Variants in DNHD1 observed in about 807,000 individuals in gnomAD.
DNHD1 encodes dynein heavy chain domain-containing protein 1.
In DNHD1, 383 loss-of-function variants were observed where a neutral mutation model predicts 458.1. The observed-to-expected ratio is 0.84, with a 90% confidence interval of 0.77 to 0.91. The LOEUF (loss-of-function observed/expected upper bound fraction) is 0.91, where lower values mean the gene tolerates loss of function less well. Ranked by LOEUF, DNHD1 falls within the 40% of genes least tolerant of loss-of-function variation. The probability of loss-of-function intolerance (pLI) is 0.00; values close to 1 mark genes in which losing one functional copy is unlikely to be tolerated. For missense variants in DNHD1, 5,336 were observed against 5,866.1 expected, an observed-to-expected ratio of 0.91 and a Z score of 2.95; for synonymous variants, 2,203 against 2,376.9, an observed-to-expected ratio of 0.93 and a Z score of 2.13.
intron 12 of DNHD1, among the ~76,000 whole-genome samples, chr11:6,531,197 A>C (rs1589877524): frequency 6.6e-6 from 1 of 152,100 alleles, no homozygotes; most frequent in Non-Finnish European, 1.5e-5. Context: ...CCTCTGACTT[A>C]ACTCTGTCGT....
Position 6,547,348 on chromosome 11 carries a change from A to G in DNHD1, c.6409A>G (p.Thr2137Ala), listed in dbSNP as rs1853244621. The G allele has an allele frequency of 6.4e-7, 1 of 1,551,630 alleles. No homozygotes were observed. Among genetic ancestry groups the G allele is most frequent in the Admixed American group, 2.0e-5 (1 of 50,984 alleles). ...GGCTGACACAACAGGCATATCCCCC[A>G]CAGTGGTAGGCTGTTGTGCCCTAGT... ...EVADTTGISPTVVGCCALVWC... is the reference protein window; with the variant it reads ...EVADTTGISPAVVGCCALVWC... The change falls in exon 21 of 43, where the codon ACA becomes GCA. Residue 2137 changes from threonine (T) to alanine (A), a missense_variant. Coordinates refer to ENST00000254579, the MANE Select transcript of DNHD1 (RefSeq NM_144666.3).
Position 6,545,676 on chromosome 11 carries a change from G to T in DNHD1, c.4737G>T (p.Val1579=). 1 of 1,551,720 alleles carries T rather than the reference G, an allele frequency of 6.4e-7. No individual in the cohort carries two copies. Among genetic ancestry groups the T allele is most frequent in the South Asian group, 1.2e-5 (1 of 84,054 alleles). ...TCAGTGCCCTGCTGGTCATGGCAGT[G>T]ACTCACCGGGATATAGCACAGCTGC... ...SLLSALLVMA[V]THRDIAQLLE... is the part of the protein sequence containing the mutation. Residue 1579 remains valine (V), a synonymous_variant, in exon 21 of 43, where the codon GTG becomes GTT. Coordinates refer to ENST00000254579, the MANE Select transcript of DNHD1 (RefSeq NM_144666.3). The surrounding 1 kb of genome is among the most constrained non-coding windows in gnomAD (Gnocchi z 4.9).
At chr11:6,515,994 T>C (rs112607022) in intron 7 of DNHD1, among the ~76,000 whole-genome samples, 2,080 of 151,872 alleles carry the variant, frequency 0.014, 51 homozygotes, top group African/African-American at 0.048. Context: ...TACCATGTTG[T>C]CCAGGCTGGT....
At chr11:6,535,314 C>A (rs182516455) in intron 14 of DNHD1, among the ~76,000 whole-genome samples, 142 of 152,344 alleles carry the variant, frequency 9.3e-4, no homozygotes, top group African/African-American at 3.1e-3. Flanking sequence ...CATGTGCACA[C>A]ATTTGCTATC....
rs765537241 is a variant in DNHD1 at position 6,570,974 on chromosome 11, G to A, written c.13462G>A (p.Glu4488Lys). 4.4e-6 allele frequency: 7 copies of A among 1,606,266 alleles called. No individual in the cohort carries two copies. The South Asian group carries it at 4.4e-5, about 10-fold the overall frequency. ...GCCTCTGGAGGGCGTCTTAGAGACCGAGGCTCTAGAACTGAGCCAGTTGGT... is the reference window on the plus strand; with the variant it reads ...GCCTCTGGAGGGCGTCTTAGAGACCAAGGCTCTAGAACTGAGCCAGTTGGT... ...RRPLEGVLET[E>K]ALELSQLVGT... Residue 4488 changes from glutamate (E) to lysine (K), a missense_variant, in exon 42 of 43, where the codon GAG becomes AAG. By Grantham distance (56) the Glu-to-Lys change is moderately conservative (BLOSUM62 1). Coordinates refer to ENST00000254579, the MANE Select transcript of DNHD1 (RefSeq NM_144666.3).
Position 6,498,190 on chromosome 11 carries a change from G to A in DNHD1, c.-26G>A, listed in dbSNP as rs768884067. On this transcript the variant is annotated 5_prime_UTR_variant, in exon 3 of 43. Transcript: ENST00000254579. ...CCTGAGCTATGGGCAAGGTCACTTC[G>A]ACAGCAGTTGAATGCCCAGCTCCTC... 2.5e-6 allele frequency: 4 copies of A among 1,592,508 alleles called. No individual in the cohort carries two copies. The highest frequency in any genetic ancestry group is 3.4e-6 in the Non-Finnish European group (4 of 1,167,698).
At position 6,564,368 on chromosome 11, in the gene DNHD1, T is replaced by A. The variant is rs1022193857; in HGVS notation, c.10320T>A (p.Asp3440Glu). ...GACGCTGCATGACTGTGTTTGGAGATACCCTCCTATGTTCAGCTGCCATCA... is the reference window on the plus strand; with the variant it reads ...GACGCTGCATGACTGTGTTTGGAGAAACCCTCCTATGTTCAGCTGCCATCA... ...LKGRCMTVFG[D>E]TLLCSAAIIY... The change falls in exon 32 of 43, where the codon GAT (aspartate) becomes GAA (glutamate). Residue 3440 changes from aspartate (D) to glutamate (E), a missense_variant. Transcript: ENST00000254579. 59 of 1,549,194 alleles carry A rather than the reference T, an allele frequency of 3.8e-5. No individual in the cohort carries two copies. The Middle Eastern group carries it at 1.5e-3, about 39-fold the overall frequency.
At chr11:6,520,781 A>G (rs993363332) in intron 10 of DNHD1, 3 of 993,654 alleles carry the variant, frequency 3.0e-6, no homozygotes, top group Non-Finnish European at 3.6e-6. Flanking sequence ...ACACTTATTA[A>G]CCATCAGCGT....
chr11:6,566,879 A>C lies in DNHD1; in HGVS notation c.11386-16A>C, dbSNP rs1241265893. ...TGGGAAAGGGCCAGATCCATCCAAC[A>C]AATGAGTGTATGCAGGAGCGGCTGC... On this transcript the variant is annotated splice_polypyrimidine_tract_variant and intron_variant, in intron 35 of 42. Transcript: ENST00000254579. 1.2e-6 allele frequency: 2 copies of C among 1,608,586 alleles called. No homozygotes were observed. Among genetic ancestry groups the C allele is most frequent in the Admixed American group, 1.7e-5 (1 of 59,694 alleles).
chr11:6,570,239 A>G lies in DNHD1; in HGVS notation c.12956-8A>G, dbSNP rs759679249. Reference sequence around the variant, plus strand: ...ACTGGAACTGAGAGACTCTAACCTCATCTTCAGCTTCAGTTTTCTACGGGG... The same window carrying G: ...ACTGGAACTGAGAGACTCTAACCTCGTCTTCAGCTTCAGTTTTCTACGGGG... On this transcript the variant is annotated splice_polypyrimidine_tract_variant and splice_region_variant and intron_variant, in intron 40 of 42. Coordinates refer to ENST00000254579, the MANE Select transcript of DNHD1 (RefSeq NM_144666.3). 6.2e-7 allele frequency: 1 copy of G among 1,613,642 alleles called. No homozygotes were observed. Among genetic ancestry groups the G allele is most frequent in the South Asian group, 1.1e-5 (1 of 91,052 alleles).
chr11:6,512,272 G>C (rs1852355215), intron 7 of DNHD1, among the ~76,000 whole-genome samples: 3 of 133,712 alleles, frequency 2.2e-5, no homozygotes, highest in Admixed American at 8.1e-5. Context: ...CCAGGCTGGA[G>C]TGCAGTGGCG....
At position 6,570,414 on chromosome 11, in the gene DNHD1, ATC is replaced by A. The variant is rs761191106; in HGVS notation, c.13105+20_13105+21del. On this transcript the variant is annotated intron_variant, in intron 41 of 42. Coordinates refer to ENST00000254579, the MANE Select transcript of DNHD1 (RefSeq NM_144666.3). Reference sequence around the variant, plus strand: ...CCTCCCAGGTAAGCCTCACTCAGGTATCTGTTTTGGGGTAGGGAATAGTGCAA... The same window carrying A: ...CCTCCCAGGTAAGCCTCACTCAGGTATGTTTTGGGGTAGGGAATAGTGCAA... 1.4e-5 allele frequency: 22 copies of A among 1,598,966 alleles called. No individual in the cohort carries two copies. In the African/African-American group the frequency reaches 2.8e-4, roughly 20 times the overall value.
At position 6,557,487 on chromosome 11, in the gene DNHD1, A is replaced by T; in HGVS notation, c.8192A>T (p.Glu2731Val). 1 of 1,551,802 alleles carries T rather than the reference A, an allele frequency of 6.4e-7. No individual in the cohort carries two copies. The highest frequency in any genetic ancestry group is 8.7e-7 in the Non-Finnish European group (1 of 1,147,028). Residue 2731 changes from glutamate to valine, a missense_variant, in exon 25 of 43, where the codon GAG becomes GTG. Glu to Val is a moderately radical substitution (Grantham distance 121). Coordinates refer to ENST00000254579, the MANE Select transcript of DNHD1 (RefSeq NM_144666.3). ...SNSNSETEEE[E>V]EPYGLQVARV... ...AGCAATAGTGAAACAGAGGAGGAAG[A>T]GGAACCTTATGGCCTTCAGGTCGCC...
chr11:6,513,370 T>C lies in DNHD1; in HGVS notation c.1392+1941T>C, dbSNP rs1463010535. 3.9e-5 allele frequency among the ~76,000 whole-genome samples: 6 copies of C among 152,226 alleles called. No homozygotes were observed. The South Asian group carries it at 6.2e-4, about 16-fold the overall frequency. On this transcript the variant is annotated intron_variant, in intron 7 of 42. Transcript: ENST00000254579. Reference sequence around the variant, plus strand: ...AGCAAGCTCCCTGGTGCCTCTTTCATTGATACCCCCGCAGAGGTAACCAGT... The same window carrying C: ...AGCAAGCTCCCTGGTGCCTCTTTCACTGATACCCCCGCAGAGGTAACCAGT...
At position 6,557,356 on chromosome 11, in the gene DNHD1, G is replaced by C; in HGVS notation, c.8061G>C (p.Gln2687His). Residue 2687 changes from glutamine (Q) to histidine (H), a missense_variant, in exon 25 of 43, where the codon CAG (glutamine) becomes CAC (histidine). Physicochemically the swap from Gln to His is conservative, Grantham distance 24 (BLOSUM62 0). Around this residue, in one of 4 missense-constraint regions of DNHD1, gnomAD observed 3,932 missense variants for 4,365.6 expected, o/e 0.90. Transcript: ENST00000254579. Reference protein sequence around the residue: ...QSVFCCGPGPQHLGKDHQESE... With the variant: ...QSVFCCGPGPHHLGKDHQESE... ...TCTTCTGCTGTGGGCCAGGGCCCCA[G>C]CACCTGGGCAAGGACCATCAGGAGA... The C allele has an allele frequency of 6.4e-7, 1 of 1,551,480 alleles. No individual in the cohort carries two copies. The highest frequency in any genetic ancestry group is 8.7e-7 in the Non-Finnish European group (1 of 1,147,060).
intron 6 of DNHD1, among the ~76,000 whole-genome samples, chr11:6,509,951 T>A (rs1852303060): frequency 6.6e-6 from 1 of 152,166 alleles, no homozygotes; most frequent in African/African-American, 2.4e-5. Flanking sequence ...TCCAACTAAT[T>A]ACTAATTGTT....
At chr11:6,521,396 G>A (rs533701015) in intron 10 of DNHD1, among the ~76,000 whole-genome samples, 17 of 152,182 alleles carry the variant, frequency 1.1e-4, no homozygotes, top group African/African-American at 4.1e-4. Context: ...ACAACCTCTT[G>A]CATTTTTATT....
Position 6,558,521 on chromosome 11 carries a change from C to T in DNHD1, c.9039C>T (p.Phe3013=). ...AAGTGTGCAGCCACCTTCACCTGTTCTTCCTGATTGGAGATAAACAGGCCC... is the reference window on the plus strand; with the variant it reads ...AAGTGTGCAGCCACCTTCACCTGTTTTTCCTGATTGGAGATAAACAGGCCC... The part of the protein sequence containing the change: ...HQQVCSHLHL[F]FLIGDKQAHK... The change falls in exon 26 of 43, where the codon TTC becomes TTT. Residue 3013 remains phenylalanine (F), a synonymous_variant. Coordinates refer to ENST00000254579, the MANE Select transcript of DNHD1 (RefSeq NM_144666.3). 6.4e-7 allele frequency: 1 copy of T among 1,551,726 alleles called. No individual in the cohort carries two copies. Among genetic ancestry groups the T allele is most frequent in the Non-Finnish European group, 8.7e-7 (1 of 1,147,000 alleles).
chr11:6,544,762 C>T, intron 20 of DNHD1, 30 bp from the exon 21 acceptor site: 23 of 1,543,230 alleles, frequency 1.5e-5, no homozygotes, highest in Admixed American at 2.0e-5. Context: ...TTCATATTGG[C>T]CCTCACTTTT....
Sources: gnomAD v4.1 joint callset for allele counts (sites outside exome capture counted in the v4.1 genomes callset) on GRCh38, gnomAD v4.1.1 for gene constraint, gnomAD v4.1.1 regional missense constraint, Gnocchi (gnomAD v3.1) non-coding constraint, MANE v1.5 for transcripts, NCBI Gene and HGNC (gene_info 2026-07-23, HGNC 2026-07-21) for gene names.